The following CECR2 variants were observed in gnomAD, a reference collection of about 807,000 sequenced individuals.
The protein encoded by CECR2 is CECR2 histone acetyl-lysine reader.
In CECR2, 30 loss-of-function variants were observed where a neutral mutation model predicts 154.5. That is an observed-to-expected ratio of 0.19 (90% CI 0.15 to 0.26). The LOEUF (loss-of-function observed/expected upper bound fraction) is 0.26. Among genes scored for constraint, CECR2 ranks in the 10% least tolerant of loss-of-function variants. The pLI is 1.00. For missense variants in CECR2, 1,743 were observed against 1,829.3 expected (o/e 0.95, Z 0.86); for synonymous variants, 725 against 683.7 (o/e 1.06, Z -0.94).
At chr22:17,512,850 A>C (rs550922082) in intron 8 of CECR2, among the ~76,000 whole-genome samples, 10 of 152,162 alleles carry the variant, frequency 6.6e-5, no homozygotes, top group African/African-American at 2.2e-4. Context: ...ATCTGTGGGG[A>C]GATGAAATTC....
chr22:17,405,143 C>T (rs926000445), intron 1 of CECR2, among the ~76,000 whole-genome samples: 3 of 152,190 alleles, frequency 2.0e-5, no homozygotes, highest in African/African-American at 7.2e-5. Context: ...GGCATGGTGA[C>T]TCACACCTGT....
At chr22:17,393,735 A>G (rs993475932) in intron 1 of CECR2, among the ~76,000 whole-genome samples, 3 of 152,030 alleles carry the variant, frequency 2.0e-5, no homozygotes, top group African/African-American at 7.2e-5. Flanking sequence ...CTTGATTTGT[A>G]CTTCCCTCAT....
At chr22:17,509,645 A>G (rs1420061334) in intron 7 of CECR2, among the ~76,000 whole-genome samples, 1 of 152,134 alleles carries the variant, frequency 6.6e-6, no homozygotes, top group Non-Finnish European at 1.5e-5. Flanking sequence ...TCTTATTAGT[A>G]AAATGAAATG....
chr22:17,437,342 C>T lies in CECR2; in HGVS notation c.127-40246C>T, dbSNP rs530725272. ...GGGGCCCTGGGGACTCAGTTTGTTT[C>T]GTCCCTTTGTTGAAGCTCCACAGGA... is the stretch of plus-strand genomic sequence containing the variant. On this transcript the variant is annotated intron_variant, in intron 1 of 18. Transcript: ENST00000262608. 4.6e-5 allele frequency among the ~76,000 whole-genome samples: 7 copies of T among 152,190 alleles called. No individual in the cohort carries two copies. The South Asian group carries it at 1.2e-3, about 27-fold the overall frequency.
At chr22:17,537,886 C>T (rs539621973) in intron 10 of CECR2, among the ~76,000 whole-genome samples, 3 of 151,152 alleles carry the variant, frequency 2.0e-5, no homozygotes, top group East Asian at 3.9e-4. Context: ...CCCAGCTACT[C>T]GGGAGGCTGA....
At chr22:17,530,601 C>T (rs996708404) in intron 9 of CECR2, among the ~76,000 whole-genome samples, 3 of 150,106 alleles carry the variant, frequency 2.0e-5, no homozygotes, top group East Asian at 2.1e-4. Flanking sequence ...TGCTTGAATT[C>T]GGGAGGCAGA....
intron 1 of CECR2, chr22:17,419,054 G>A (rs898229271): frequency 1.2e-5 from 2 of 161,260 alleles, no homozygotes; most frequent in Non-Finnish European, 2.7e-5. Context: ...TCCCAGACGC[G>A]GATGACGTGG....
intron 1 of CECR2, among the ~76,000 whole-genome samples, chr22:17,412,788 G>A (rs888365263): frequency 3.3e-5 from 5 of 152,126 alleles, no homozygotes; most frequent in Non-Finnish European, 7.4e-5. Flanking sequence ...TTCTGGGTGA[G>A]GGGGATGGAA....
intron 1 of CECR2, among the ~76,000 whole-genome samples, chr22:17,424,116 A>T (rs747284345): frequency 6.6e-6 from 1 of 152,170 alleles, no homozygotes; most frequent in Non-Finnish European, 1.5e-5. Flanking sequence ...AAGGAATTAA[A>T]TGAACTTTGA....
chr22:17,502,131 T>C (rs2055749920), intron 5 of CECR2, among the ~76,000 whole-genome samples: 1 of 152,206 alleles, frequency 6.6e-6, no homozygotes, highest in Admixed American at 6.5e-5. Flanking sequence ...CCTAATGCGT[T>C]ATACACTTTG....
intron 7 of CECR2, among the ~76,000 whole-genome samples, chr22:17,506,679 A>G (rs1254482145): frequency 6.6e-6 from 1 of 152,116 alleles, no homozygotes; most frequent in Non-Finnish European, 1.5e-5. Context: ...TTTGAGACAG[A>G]GACTCGCTCT....
At chr22:17,546,644 C>T (rs1473661902) in intron 16 of CECR2, among the ~76,000 whole-genome samples, 1 of 152,112 alleles carries the variant, frequency 6.6e-6, no homozygotes, top group Non-Finnish European at 1.5e-5. Context: ...GTTAATAGCT[C>T]TTTAAAAGTT....
rs776463702 is a variant in CECR2 at position 17,542,287 on chromosome 22, G to T, written c.2144G>T (p.Ser715Ile). The change falls in exon 16 of 19, where the codon AGT becomes ATT. Residue 715 changes from serine to isoleucine, a missense_variant. Coordinates refer to ENST00000262608, the MANE Select transcript of CECR2 (RefSeq NM_001290047.2). ...GGATCCTTGCAGCTTGGGCAGATAA[G>T]TGGCCCAAGTCAGGATGGAAGCATG... The part of the protein sequence containing the change: ...HPGSLQLGQI[S>I]GPSQDGSMYA... The T allele has an allele frequency of 3.7e-6, 6 of 1,611,420 alleles. No individual in the cohort carries two copies. In the African/African-American group the frequency reaches 8.0e-5, roughly 22 times the overall value.
At position 17,493,655 on chromosome 22, in the gene CECR2, G is replaced by A. The variant is rs150274208; in HGVS notation, c.222-3748G>A. 2.8e-4 allele frequency among the ~76,000 whole-genome samples: 43 copies of A among 152,330 alleles called. No individual in the cohort carries two copies. The East Asian group carries it at 8.1e-3, about 29-fold the overall frequency. ...TAAGAAAGCTTTTAGCAAAAGTGATGTAATTTAAACTGAGTAGGACAATAG... is the reference window on the plus strand; with the variant it reads ...TAAGAAAGCTTTTAGCAAAAGTGATATAATTTAAACTGAGTAGGACAATAG... On this transcript the variant is annotated intron_variant, in intron 2 of 18. Transcript: ENST00000262608.
chr22:17,482,134 AAAAAAAAG>A lies in CECR2; in HGVS notation c.221+4453_221+4460del, dbSNP rs1399616222. ...TGTCTCCAAAAAAAAAAAAAAAAAA[AAAAAAAAG>A]GGCGTGGCATGGTGACTCACGCCTG... On this transcript the variant is annotated intron_variant, in intron 2 of 18. Coordinates refer to ENST00000262608, the MANE Select transcript of CECR2 (RefSeq NM_001290047.2). 1.1e-4 allele frequency among the ~76,000 whole-genome samples: 11 copies of A among 99,356 alleles called. No individual in the cohort carries two copies. The East Asian group carries it at 2.0e-3, about 18-fold the overall frequency. The allele number at this position is 99,356 out of a possible 152,430, so 65.2% of individuals were successfully genotyped here.
chr22:17,425,965 C>T (rs2054323011), intron 1 of CECR2, among the ~76,000 whole-genome samples: 2 of 152,134 alleles, frequency 1.3e-5, no homozygotes, highest in African/African-American at 4.8e-5. Context: ...CTTTGGGTGG[C>T]TGAGATACAG....
chr22:17,511,087 G>A (rs774152872), intron 7 of CECR2, among the ~76,000 whole-genome samples: 1 of 152,166 alleles, frequency 6.6e-6, no homozygotes, highest in Non-Finnish European at 1.5e-5. Context: ...GGAAGTCACG[G>A]AAGTTATGTT....
chr22:17,512,721 AAAAG>A (rs538706870), intron 8 of CECR2, among the ~76,000 whole-genome samples: 1,387 of 129,530 alleles, frequency 0.011, 24 homozygotes, highest in African/African-American at 0.056. Flanking sequence ...AAAAAAAAAA[AAAAG>A]AAAGAAAGAA....
chr22:17,446,400 C>T (rs982288762), intron 1 of CECR2, among the ~76,000 whole-genome samples: 4 of 152,100 alleles, frequency 2.6e-5, no homozygotes, highest in African/African-American at 9.7e-5. Context: ...CGGAACTTAG[C>T]GGTGAGTGTT....
Sources: allele counts gnomAD v4.1 joint callset (sites outside exome capture counted in the v4.1 genomes callset), GRCh38; gene constraint gnomAD v4.1.1; transcripts MANE v1.5; gene names NCBI Gene and HGNC (gene_info 2026-07-23, HGNC 2026-07-21).